Variants in NOVA2 observed in about 807,000 individuals in gnomAD.
NOVA2 encodes RNA-binding protein Nova-2.
A neutral mutation model predicts 22.5 loss-of-function variants in NOVA2; 9 were observed. That is an observed-to-expected ratio of 0.40 (90% confidence interval 0.24 to 0.70). NOVA2 has a LOEUF of 0.70. Ranked by LOEUF, NOVA2 falls within the 30% of genes least tolerant of loss-of-function variation. The pLI is 0.38. For synonymous variants in NOVA2, 318 were observed against 335.2 expected, an observed-to-expected ratio of 0.95 and a Z score of 0.56; for missense variants, 383 against 682.8, an observed-to-expected ratio of 0.56 and a Z score of 4.89.
chr19:45,944,608 C>T (rs906191906), intron 3 of NOVA2, among the ~76,000 whole-genome samples: 2 of 152,112 alleles, frequency 1.3e-5, no homozygotes, highest in African/African-American at 4.8e-5. Context: ...CTTGGCAATA[C>T]GTTGAATGAA....
At position 45,940,534 on chromosome 19, in the gene NOVA2, C is replaced by T; in HGVS notation, c.808G>A (p.Ala270Thr). 6.7e-7 allele frequency: 1 copy of T among 1,499,666 alleles called. No individual in the cohort carries two copies. Among genetic ancestry groups the T allele is most frequent in the South Asian group, 1.2e-5 (1 of 81,186 alleles). The allele number at this position is 1,499,666 out of a possible 1,614,324, so 92.9% of individuals were successfully genotyped here. A position where few individuals can be genotyped will look rare whatever the true frequency, so the allele number is the denominator to read the frequency against. Residue 270 changes from alanine (A) to threonine (T), a missense_variant, in exon 4 of 4, where the codon GCC becomes ACC. Transcript: ENST00000263257. ...GVGAFPAALPAFSGTDLLAIS... is the reference protein window; with the variant it reads ...GVGAFPAALPTFSGTDLLAIS... ...GCCAGCAGGTCGGTGCCTGAGAAGG[C>T]GGGCAGCGCGGCGGGAAAGGCCCCC...
At chr19:45,962,531 C>T (rs1397201012) in intron 1 of NOVA2, 2 of 152,580 alleles carry the variant, frequency 1.3e-5, no homozygotes, top group Non-Finnish European at 2.9e-5. Context: ...CCTGGGGGGA[C>T]CAACACGATG....
At chr19:45,959,518 C>T (rs1375107975) in intron 2 of NOVA2, among the ~76,000 whole-genome samples, 2 of 152,060 alleles carry the variant, frequency 1.3e-5, no homozygotes, top group Non-Finnish European at 2.9e-5. Flanking sequence ...CAAGTGTCCT[C>T]GGAGGAACAT....
chr19:45,944,003 C>A (rs892074614), intron 3 of NOVA2, among the ~76,000 whole-genome samples: 2 of 152,208 alleles, frequency 1.3e-5, no homozygotes, highest in Non-Finnish European at 2.9e-5. Context: ...TCAGTAGCAA[C>A]AGCATTTGTA....
At position 45,939,959 on chromosome 19, in the gene NOVA2, G is replaced by C; in HGVS notation, c.1383C>G (p.Gly461=). The change falls in exon 4 of 4, where the codon GGC becomes GGG. Residue 461 remains glycine, a synonymous_variant. Transcript: ENST00000263257. ...GTRNRRVTIT[G]SPAATQAAQY... is the part of the protein sequence containing the mutation. ...GAGCGGCTTGCGTGGCCGCGGGGCTGCCCGTGATGGTGACCCGCCGGTTCC... is the reference window on the plus strand; with the variant it reads ...GAGCGGCTTGCGTGGCCGCGGGGCTCCCCGTGATGGTGACCCGCCGGTTCC... 6.2e-7 allele frequency: 1 copy of C among 1,613,990 alleles called. No individual in the cohort carries two copies. The highest frequency in any genetic ancestry group is 8.5e-7 in the Non-Finnish European group (1 of 1,179,942).
In NOVA2 at chr19:45,973,377, T is replaced by G. The variant is rs1968260228; in HGVS notation, c.-26A>C. The G allele has an allele frequency of 2.5e-6, 2 of 784,378 alleles. No homozygotes were observed. The highest frequency in any genetic ancestry group is 3.3e-6 in the Non-Finnish European group (2 of 599,378). 48.6% of individuals were successfully genotyped at this position (784,378 alleles called of 1,614,324 possible). The stretch of plus-strand genomic sequence containing the variant: ...GGGGGGGGCCTGGGGCGGCGGCTGC[T>G]GCTGCTGCGGCGGCTGCGGCGGCGG... On this transcript the variant is annotated 5_prime_UTR_variant, in exon 1 of 4. Coordinates refer to ENST00000263257, the MANE Select transcript of NOVA2 (RefSeq NM_002516.4).
chr19:45,969,577 G>A (rs1001846745), intron 1 of NOVA2, among the ~76,000 whole-genome samples: 1 of 148,538 alleles, frequency 6.7e-6, no homozygotes, highest in Non-Finnish European at 1.5e-5. Context: ...TGTAAGCTAC[G>A]TTGAGGGTGT....
chr19:45,952,233 G>A (rs1465287173), intron 3 of NOVA2, among the ~76,000 whole-genome samples: 2 of 152,196 alleles, frequency 1.3e-5, no homozygotes, highest in Admixed American at 1.3e-4. Context: ...CATAAGCTAT[G>A]TGCTTTTCAA....
intron 3 of NOVA2, among the ~76,000 whole-genome samples, chr19:45,953,321 C>T (rs1440860791): frequency 6.6e-6 from 1 of 152,206 alleles, no homozygotes; most frequent in East Asian, 1.9e-4. Flanking sequence ...GCTAATGAAA[C>T]ACCACCTCTA....
intron 1 of NOVA2, among the ~76,000 whole-genome samples, chr19:45,970,671 C>T (rs1027285290): frequency 3.3e-5 from 5 of 152,240 alleles, no homozygotes; most frequent in Admixed American, 6.5e-5. Flanking sequence ...CTACTGTGCC[C>T]AGCCCCTTAT....
chr19:45,944,306 G>T (rs755509434), intron 3 of NOVA2, among the ~76,000 whole-genome samples: 4 of 152,056 alleles, frequency 2.6e-5, no homozygotes, highest in Admixed American at 6.6e-5. Context: ...GCCAGGTGTG[G>T]TGGCATCTGC....
intron 1 of NOVA2, among the ~76,000 whole-genome samples, chr19:45,963,196 T>C (rs1452761287): frequency 3.3e-5 from 5 of 152,022 alleles, no homozygotes; most frequent in Admixed American, 1.3e-4. Flanking sequence ...CTGGCCAACA[T>C]AGTGAAACTC....
Position 45,973,397 on chromosome 19 carries a change from C to A in NOVA2, c.-46G>T. ...GCTGCTGCTGCTGCGGCGGCTGCGG[C>A]GGCGGCGGCGGCGGCTGCTGTGGCG... On this transcript the variant is annotated 5_prime_UTR_variant, in exon 1 of 4. Coordinates refer to ENST00000263257, the MANE Select transcript of NOVA2 (RefSeq NM_002516.4). 1 of 447,898 alleles carries A rather than the reference C, an allele frequency of 2.2e-6. No individual in the cohort carries two copies. The highest frequency in any genetic ancestry group is 3.2e-6 in the Non-Finnish European group (1 of 317,142). The allele number at this position is 447,898 out of a possible 1,614,324, so 27.7% of individuals were successfully genotyped here.
rs1967747090 is a variant in NOVA2 at position 45,940,916 on chromosome 19, C to T, written c.426G>A (p.Ala142=). Residue 142 remains alanine, a synonymous_variant, in exon 4 of 4, where the codon GCG becomes GCA. Transcript: ENST00000263257. ...QAKLIVPNST[A]GLIIGKGGAT... ...CGCCTCCCTTGCCGATGATCAGGCC[C>T]GCCGTGCTGTTGGGGACGATCAGCT... 1 of 1,604,584 alleles carries T rather than the reference C, an allele frequency of 6.2e-7. No homozygotes were observed. Among genetic ancestry groups the T allele is most frequent in the African/African-American group, 1.3e-5 (1 of 75,024 alleles).
In NOVA2 at chr19:45,936,359, TTCTG is replaced by T. The variant is rs1157322942; in HGVS notation, c.*3500_*3503del. ...GGGTAAGTTGAAAAGGAGAGCTTTT[TTCTG>T]TCTTTTTTTTTTTTTCTTACAAAGA... On this transcript the variant is annotated 3_prime_UTR_variant, in exon 4 of 4. Coordinates refer to ENST00000263257, the MANE Select transcript of NOVA2 (RefSeq NM_002516.4). The T allele has an allele frequency of 5.3e-5, 8 of 151,522 alleles. No homozygotes were observed. The highest frequency in any genetic ancestry group is 2.6e-4 in the Admixed American group (4 of 15,222). 9.4% of individuals were successfully genotyped at this position (151,522 alleles called of 1,614,324 possible).
chr19:45,947,622 C>T (rs1419067966), intron 3 of NOVA2, among the ~76,000 whole-genome samples: 1 of 151,948 alleles, frequency 6.6e-6, no homozygotes, highest in African/African-American at 2.4e-5. Flanking sequence ...TACAGGCACC[C>T]ACCACCACGC....
rs114511894 is a variant in NOVA2, at chr19:45,950,546, T to C, written c.396+3234A>G. ...AAGCCAATGGCAGCTGCCTTCATGATAGACCCTGAATTGTAGAACTACAGC... is the reference window on the plus strand; with the variant it reads ...AAGCCAATGGCAGCTGCCTTCATGACAGACCCTGAATTGTAGAACTACAGC... On this transcript the variant is annotated intron_variant, in intron 3 of 3. Coordinates refer to ENST00000263257, the MANE Select transcript of NOVA2 (RefSeq NM_002516.4). Among the ~76,000 whole-genome samples the C allele has an allele frequency of 3.3e-3, 496 of 152,324 alleles. 4 individuals are homozygous for C. The highest frequency in any genetic ancestry group is 0.011 in the African/African-American group (464 of 41,582).
rs1568669066 is a variant in NOVA2, at chr19:45,958,529, C to CTG, written c.229+2480_229+2481insCA. ...TGTAAGCATGTGTGACAATGTGTGA[C>CTG]AGTGTGTGTGACTGTGTGTAAGCGT... On this transcript the variant is annotated intron_variant, in intron 2 of 3. Transcript: ENST00000263257. Among the ~76,000 whole-genome samples the CTG allele has an allele frequency of 2.2e-3, 295 of 132,638 alleles. 1 individual carries two copies. The highest frequency in any genetic ancestry group is 9.1e-3 in the African/African-American group (274 of 29,956). 87.0% of individuals were successfully genotyped at this position (132,638 alleles called of 152,430 possible). A position where few individuals can be genotyped will look rare whatever the true frequency, so the allele number is the denominator to read the frequency against.
At chr19:45,961,267 A>C (rs1968092208) in intron 1 of NOVA2, 114 bp from the exon 2 acceptor site, 1 of 645,306 alleles carries the variant, frequency 1.5e-6, no homozygotes, top group Non-Finnish European at 2.7e-6. Flanking sequence ...AATAATACAA[A>C]TAATGATCTT....
Sources: gnomAD v4.1 joint callset for allele counts (sites outside exome capture counted in the v4.1 genomes callset) on GRCh38, gnomAD v4.1.1 for gene constraint, MANE v1.5 for transcripts, NCBI Gene and HGNC (gene_info 2026-07-23, HGNC 2026-07-21) for gene names.